Variants in DISC1 observed in about 807,000 individuals in gnomAD.
DISC1 encodes the protein DISC1 scaffold protein, also known as disrupted in schizophrenia 1 protein.
DISC1 carries 57 observed loss-of-function variants against 84.5 expected under a neutral mutation model. That is an observed-to-expected ratio of 0.67 (90% CI 0.55 to 0.84). The LOEUF (loss-of-function observed/expected upper bound fraction) is 0.84. Ranked by LOEUF, DISC1 falls within the 40% of genes least tolerant of loss-of-function variation. DISC1 has a pLI of 0.00. For synonymous variants in DISC1, 411 were observed against 415.2 expected (o/e 0.99, Z 0.12); for missense variants, 1,000 against 1,057.8 (o/e 0.95, Z 0.76).
At chr1:232,018,601 G>C (rs1668686887) in intron 11 of DISC1, among the ~76,000 whole-genome samples, 2 of 152,194 alleles carry the variant, frequency 1.3e-5, no homozygotes, top group Non-Finnish European at 2.9e-5. Context: ...ACAGAAATTT[G>C]ACATCAGCTC....
At chr1:231,789,473 T>C (rs536544960) in intron 6 of DISC1, among the ~76,000 whole-genome samples, 5 of 152,194 alleles carry the variant, frequency 3.3e-5, no homozygotes, top group Non-Finnish European at 7.4e-5. Flanking sequence ...TCACCCTGGC[T>C]ACATCTCAAG....
chr1:231,832,526 G>C (rs1372220543), intron 9 of DISC1, among the ~76,000 whole-genome samples: 5 of 151,996 alleles, frequency 3.3e-5, no homozygotes, highest in Non-Finnish European at 5.9e-5. Context: ...TAACAGATGA[G>C]GATGAAATTT....
intron 1 of DISC1, among the ~76,000 whole-genome samples, chr1:231,637,145 T>C (rs945186827): frequency 6.6e-6 from 1 of 152,228 alleles, no homozygotes. Flanking sequence ...CATCCTTTTT[T>C]ATGGTTGCAT....
intron 8 of DISC1, among the ~76,000 whole-genome samples, chr1:231,800,701 T>G (rs1437667395): frequency 6.6e-6 from 1 of 152,176 alleles, no homozygotes; most frequent in African/African-American, 2.4e-5. Flanking sequence ...CAAGAGTCTC[T>G]GAAAACAGTA....
chr1:231,795,441 T>A, intron 7 of DISC1, 145 bp downstream of exon 7: 24 of 642,620 alleles, frequency 3.7e-5, no homozygotes, highest in Non-Finnish European at 5.8e-5. Flanking sequence ...AATGATGAGT[T>A]AAAAGAGCCA....
At chr1:231,943,320 G>A (rs1380136167) in intron 9 of DISC1, among the ~76,000 whole-genome samples, 1 of 152,276 alleles carries the variant, frequency 6.6e-6, no homozygotes, top group Non-Finnish European at 1.5e-5. Context: ...CATTGGTGAG[G>A]AGGTAGAGAG....
At chr1:231,922,490 G>C (rs2090070377) in intron 9 of DISC1, among the ~76,000 whole-genome samples, 1 of 152,176 alleles carries the variant, frequency 6.6e-6, no homozygotes, top group African/African-American at 2.4e-5. Flanking sequence ...TCATCCAAGG[G>C]GGTATGTCTG....
intron 9 of DISC1, among the ~76,000 whole-genome samples, chr1:231,834,419 T>C (rs1036812482): frequency 6.6e-6 from 1 of 152,034 alleles, no homozygotes; most frequent in Admixed American, 6.6e-5. Flanking sequence ...GAACAGAGAC[T>C]AGGGAGGGAC....
At chr1:231,964,223 T>G (rs916793051) in intron 10 of DISC1, among the ~76,000 whole-genome samples, 1 of 152,182 alleles carries the variant, frequency 6.6e-6, no homozygotes. Context: ...AAACATGTAT[T>G]GAATGAATGA....
chr1:232,033,423 G>A (rs1461903508), intron 12 of DISC1, among the ~76,000 whole-genome samples: 5 of 152,094 alleles, frequency 3.3e-5, no homozygotes, highest in Non-Finnish European at 5.9e-5. Flanking sequence ...CTGTGCTTCC[G>A]CCCTTATCCT....
At chr1:231,943,290 G>T (rs1484958588) in intron 9 of DISC1, among the ~76,000 whole-genome samples, 1 of 152,264 alleles carries the variant, frequency 6.6e-6, no homozygotes. Flanking sequence ...GCTATGCCAG[G>T]CCACATGGCG....
chr1:231,896,990 C>T lies in DISC1; in HGVS notation c.1982-61838C>T, dbSNP rs821725. Among the ~76,000 whole-genome samples the T allele has an allele frequency of 6.5e-3, 992 of 152,288 alleles. 11 individuals are homozygous for T. Among genetic ancestry groups the T allele is most frequent in the African/African-American group, 0.023 (954 of 41,544 alleles). Reference sequence around the variant, plus strand: ...AATGGTTCCCACCCTTCTGGCATCACTGACTGTTACGGGATCTAGAAACAT... The same window carrying T: ...AATGGTTCCCACCCTTCTGGCATCATTGACTGTTACGGGATCTAGAAACAT... On this transcript the variant is annotated intron_variant, in intron 9 of 12. Transcript: ENST00000439617.
intron 8 of DISC1, among the ~76,000 whole-genome samples, chr1:231,808,345 A>T (rs199965981): frequency 1.3e-5 from 2 of 152,146 alleles, no homozygotes; most frequent in Non-Finnish European, 2.9e-5. Context: ...GCACACCCAG[A>T]AGCTCCAGGC....
chr1:231,953,812 A>C (rs1369474556), intron 9 of DISC1, among the ~76,000 whole-genome samples: 1 of 152,214 alleles, frequency 6.6e-6, no homozygotes, highest in Non-Finnish European at 1.5e-5. Context: ...TCCATTTTCA[A>C]AGGTGAGATC....
chr1:231,827,362 G>C (rs74487140), intron 9 of DISC1, among the ~76,000 whole-genome samples: 1,741 of 152,296 alleles, frequency 0.011, 34 homozygotes, highest in African/African-American at 0.04. Context: ...AACCAAATTT[G>C]ATTTTGTGAG....
chr1:231,959,879 C>T (rs920267084), intron 10 of DISC1, among the ~76,000 whole-genome samples: 1 of 152,200 alleles, frequency 6.6e-6, no homozygotes, highest in Non-Finnish European at 1.5e-5. Flanking sequence ...TGGCCTTCCT[C>T]CTCTCGCATG....
At chr1:231,684,167 C>G (rs28434312) in intron 1 of DISC1, among the ~76,000 whole-genome samples, 57,298 of 151,526 alleles carry the variant, frequency 0.38, 11,239 homozygotes, top group African/African-American at 0.48. Context: ...GTTTTGCTAA[C>G]TTGCCCAGGC....
chr1:232,007,865 A>C (rs920144753), intron 10 of DISC1, among the ~76,000 whole-genome samples: 2 of 152,192 alleles, frequency 1.3e-5, no homozygotes, highest in Non-Finnish European at 1.5e-5. Context: ...GGGAGAGACC[A>C]GGTGTAGGTA....
At chr1:231,663,193 A>G (rs867202975) in intron 1 of DISC1, among the ~76,000 whole-genome samples, 3 of 152,218 alleles carry the variant, frequency 2.0e-5, no homozygotes, top group Non-Finnish European at 4.4e-5. Context: ...ATAAAATAGA[A>G]TTTAAGTCAA....
Sources: allele counts gnomAD v4.1 joint callset (sites outside exome capture counted in the v4.1 genomes callset), GRCh38; gene constraint gnomAD v4.1.1; transcripts MANE v1.5; gene names NCBI Gene and HGNC (gene_info 2026-07-23, HGNC 2026-07-21).